LRRTM4: variants seen among roughly 807,000 people sequenced by gnomAD.
LRRTM4 encodes leucine-rich repeat transmembrane neuronal protein 4.
A neutral mutation model predicts 47.6 loss-of-function variants in LRRTM4; 25 were observed. The observed-to-expected ratio is 0.53, with a 90% confidence interval of 0.38 to 0.73. LRRTM4 has a LOEUF of 0.73. LRRTM4 is among the 30% of genes least tolerant of loss of function. The probability of loss-of-function intolerance (pLI) is 0.00; values close to 1 mark genes in which losing one functional copy is unlikely to be tolerated. For missense variants in LRRTM4, 638 were observed against 713.4 expected, an observed-to-expected ratio of 0.89 and a Z score of 1.20; for synonymous variants, 311 against 269.5, an observed-to-expected ratio of 1.15 and a Z score of -1.51.
intron 3 of LRRTM4, among the ~76,000 whole-genome samples, chr2:76,950,058 CA>C (rs1417507356): frequency 6.6e-6 from 1 of 151,778 alleles, no homozygotes; most frequent in African/African-American, 2.4e-5. Context: ...GGCCATGATT[CA>C]AACAAAGAGA....
At chr2:77,421,587 G>A (rs1003294162) in intron 3 of LRRTM4, among the ~76,000 whole-genome samples, 21 of 152,182 alleles carry the variant, frequency 1.4e-4, no homozygotes, top group Non-Finnish European at 2.4e-4. Context: ...GGTGCCTGTA[G>A]TCCCAGCTAC....
At chr2:77,333,899 C>G (rs953405327) in intron 3 of LRRTM4, among the ~76,000 whole-genome samples, 2 of 152,184 alleles carry the variant, frequency 1.3e-5, no homozygotes, top group African/African-American at 4.8e-5. Context: ...GGGATAGTGG[C>G]TGTACCCTGC....
intron 3 of LRRTM4, among the ~76,000 whole-genome samples, chr2:77,488,771 A>G (rs539799527): frequency 4.6e-5 from 7 of 152,058 alleles, no homozygotes; most frequent in Non-Finnish European, 8.8e-5. Context: ...TAATGTCTTG[A>G]CCATATTTGA....
intron 3 of LRRTM4, among the ~76,000 whole-genome samples, chr2:76,852,791 T>C (rs775828807): frequency 1.3e-5 from 2 of 152,120 alleles, no homozygotes; most frequent in Non-Finnish European, 2.9e-5. Flanking sequence ...CAAAGTCTAA[T>C]TCAGGACTAA....
intron 3 of LRRTM4, among the ~76,000 whole-genome samples, chr2:77,226,731 T>A (rs1000900869): frequency 1.3e-5 from 2 of 151,128 alleles, no homozygotes; most frequent in Non-Finnish European, 1.5e-5. Flanking sequence ...CCAACAGACA[T>A]CCTATAAACC....
chr2:77,373,556 T>A (rs1206633454), intron 3 of LRRTM4, among the ~76,000 whole-genome samples: 1 of 151,806 alleles, frequency 6.6e-6, no homozygotes, highest in African/African-American at 2.4e-5. Context: ...AAAGTTAGCA[T>A]AGAAAGTTTT....
rs777306229 is a variant in LRRTM4 at position 76,748,698 on chromosome 2, G to A, written c.1770C>T (p.Asn590=). ...CAGTGAGGAGTTGGCTTCAGCGTTA[G>A]TTTGCAATTCTCTCTAGGTAGATGG... ...APAIYLERIA[N] The change falls in exon 4 of 4, where the codon AAC becomes AAT. Residue 590 remains asparagine, a synonymous_variant. Coordinates refer to ENST00000409884, the MANE Select transcript of LRRTM4 (RefSeq NM_001134745.3). The A allele has an allele frequency of 1.6e-5, 25 of 1,607,352 alleles. No individual in the cohort carries two copies. Among genetic ancestry groups the A allele is most frequent in the East Asian group, 2.2e-5 (1 of 44,794 alleles).
intron 3 of LRRTM4, among the ~76,000 whole-genome samples, chr2:76,899,420 T>C (rs947233739): frequency 4.0e-5 from 6 of 151,454 alleles, no homozygotes; most frequent in Admixed American, 1.3e-4. Context: ...CAAAAAGTGT[T>C]GGAGGTGAAT....
chr2:77,515,024 G>A (rs1450060889), intron 3 of LRRTM4, among the ~76,000 whole-genome samples: 2 of 151,808 alleles, frequency 1.3e-5, no homozygotes, highest in East Asian at 1.9e-4. Context: ...AGGAAAAGCT[G>A]TATCCTTTTG....
chr2:76,979,228 G>T (rs1325748732), intron 3 of LRRTM4, among the ~76,000 whole-genome samples: 1 of 151,920 alleles, frequency 6.6e-6, no homozygotes, highest in African/African-American at 2.4e-5. Context: ...TCAGGTCATT[G>T]GAATTCTGCA....
At chr2:77,241,994 A>G (rs1675281378) in intron 3 of LRRTM4, among the ~76,000 whole-genome samples, 1 of 152,092 alleles carries the variant, frequency 6.6e-6, no homozygotes, top group Non-Finnish European at 1.5e-5. Context: ...CTGTCAGTCC[A>G]TACATCTGTC....
chr2:77,147,265 ACCTCCAAGAGGGATTT>A (rs1308619089), intron 3 of LRRTM4, among the ~76,000 whole-genome samples: 5 of 152,084 alleles, frequency 3.3e-5, no homozygotes, highest in African/African-American at 4.8e-5. Context: ...GCAGATATAA[ACCTCCAAGAGGGATTT>A]CCCTTGCCTA....
chr2:76,992,968 C>A (rs994698437), intron 3 of LRRTM4, among the ~76,000 whole-genome samples: 1 of 151,498 alleles, frequency 6.6e-6, no homozygotes, highest in Admixed American at 6.6e-5. Context: ...GAAATAAAGC[C>A]CACACCTACA....
intron 3 of LRRTM4, among the ~76,000 whole-genome samples, chr2:76,997,758 G>C (rs1291267476): frequency 1.3e-5 from 2 of 152,114 alleles, no homozygotes; most frequent in African/African-American, 4.8e-5. Flanking sequence ...CTGCACAGCA[G>C]GAGGTGAGCA....
intron 3 of LRRTM4, among the ~76,000 whole-genome samples, chr2:77,471,309 T>A (rs1376887507): frequency 6.6e-6 from 1 of 152,174 alleles, no homozygotes; most frequent in Admixed American, 6.6e-5. Context: ...ATTTTCCAAA[T>A]AATTTCCAAG....
chr2:76,886,951 A>T (rs1314277010), intron 3 of LRRTM4, among the ~76,000 whole-genome samples: 2 of 152,010 alleles, frequency 1.3e-5, no homozygotes, highest in African/African-American at 2.4e-5. Context: ...TTTTTTGAAC[A>T]TAATACATTG....
chr2:77,373,542 T>C (rs769507279), intron 3 of LRRTM4, among the ~76,000 whole-genome samples: 89 of 151,728 alleles, frequency 5.9e-4, no homozygotes, highest in Non-Finnish European at 1.0e-3. Context: ...TTATTAGAAA[T>C]TGTAAAGTTA....
intron 3 of LRRTM4, among the ~76,000 whole-genome samples, chr2:76,966,112 A>G (rs1022039297): frequency 6.6e-6 from 1 of 151,622 alleles, no homozygotes; most frequent in African/African-American, 2.4e-5. Flanking sequence ...AGCATAGGCT[A>G]TAATTCCCAA....
intron 3 of LRRTM4, among the ~76,000 whole-genome samples, chr2:76,798,880 A>C (rs1558661448): frequency 6.6e-6 from 1 of 152,134 alleles, no homozygotes; most frequent in African/African-American, 2.4e-5. Flanking sequence ...GGACACATGC[A>C]CTCTCCCAAG....
Sources: allele counts gnomAD v4.1 joint callset (sites outside exome capture counted in the v4.1 genomes callset), GRCh38; gene constraint gnomAD v4.1.1; transcripts MANE v1.5; gene names NCBI Gene and HGNC (gene_info 2026-07-23, HGNC 2026-07-21).